The following EIF4G3 variants were observed in gnomAD, a reference collection of about 807,000 sequenced individuals.
EIF4G3 encodes the protein eukaryotic translation initiation factor 4 gamma 3.
A neutral mutation model predicts 186.4 loss-of-function variants in EIF4G3; 34 were observed. The observed-to-expected ratio is 0.18, with a 90% confidence interval of 0.14 to 0.24. The LOEUF (loss-of-function observed/expected upper bound fraction) is 0.24, where lower values mean the gene tolerates loss of function less well. Among genes scored for constraint, EIF4G3 ranks in the 10% least tolerant of loss-of-function variants. The pLI is 1.00. For synonymous variants in EIF4G3, 673 were observed against 679.5 expected (o/e 0.99, Z 0.15); for missense variants, 1,536 against 1,948.5 (o/e 0.79, Z 3.99).
chr1:20,870,013 G>A (rs1157229940), intron 20 of EIF4G3, among the ~76,000 whole-genome samples: 2 of 152,020 alleles, frequency 1.3e-5, no homozygotes, highest in African/African-American at 4.8e-5. Context: ...AGTGTTAAAG[G>A]ATATGCACAA....
chr1:20,942,371 C>G (rs960670213), intron 13 of EIF4G3, 41 bp from the exon 14 acceptor site: 1 of 1,523,940 alleles, frequency 6.6e-7, no homozygotes, highest in Non-Finnish European at 8.8e-7. Context: ...ATTCTTGGAT[C>G]AGAGACTACA....
chr1:21,040,621 T>G (rs1433527794), intron 4 of EIF4G3, among the ~76,000 whole-genome samples: 3 of 152,184 alleles, frequency 2.0e-5, no homozygotes, highest in African/African-American at 7.2e-5. Flanking sequence ...TAAATGCATA[T>G]TCCTAGATTT....
At chr1:20,842,613 G>C (rs112177610) in intron 29 of EIF4G3, among the ~76,000 whole-genome samples, 1 of 152,166 alleles carries the variant, frequency 6.6e-6, no homozygotes, top group Non-Finnish European at 1.5e-5. Flanking sequence ...GTAATCGCCT[G>C]CCTCAGCCTC....
At chr1:20,966,004 C>T (rs938798872) in intron 12 of EIF4G3, among the ~76,000 whole-genome samples, 2 of 152,268 alleles carry the variant, frequency 1.3e-5, no homozygotes, top group East Asian at 3.9e-4. Context: ...CTTCCCTGTT[C>T]TATTTCACAT....
chr1:20,919,065 T>G (rs2094230343), intron 14 of EIF4G3, among the ~76,000 whole-genome samples: 7 of 152,234 alleles, frequency 4.6e-5, no homozygotes. Context: ...CTTTCTTTTC[T>G]GTGAATTTCC....
intron 14 of EIF4G3, among the ~76,000 whole-genome samples, chr1:20,920,721 C>T (rs2094425012): frequency 6.6e-6 from 1 of 151,150 alleles, no homozygotes; most frequent in African/African-American, 2.4e-5. Context: ...CTATTCTGAC[C>T]AAAACTTCCA....
At chr1:21,024,419 G>C (rs2091680859) in intron 4 of EIF4G3, among the ~76,000 whole-genome samples, 1 of 152,256 alleles carries the variant, frequency 6.6e-6, no homozygotes, top group Non-Finnish European at 1.5e-5. Flanking sequence ...AATGGGCCAG[G>C]ATGACAATGG....
chr1:20,870,360 C>T (rs1463770342), intron 20 of EIF4G3, among the ~76,000 whole-genome samples: 1 of 152,086 alleles, frequency 6.6e-6, no homozygotes, highest in Non-Finnish European at 1.5e-5. Flanking sequence ...GCCTTTAGTG[C>T]CATTCTTTGT....
At chr1:21,102,267 A>G (rs2096541975) in intron 2 of EIF4G3, among the ~76,000 whole-genome samples, 1 of 152,210 alleles carries the variant, frequency 6.6e-6, no homozygotes, top group Non-Finnish European at 1.5e-5. Flanking sequence ...CCTGGCCACC[A>G]TGGTGAAACC....
rs1252222971 is a variant in EIF4G3, at chr1:20,946,248, C to T, written c.823+3755G>A. Among the ~76,000 whole-genome samples, 5 of 152,200 alleles carry T rather than the reference C, an allele frequency of 3.3e-5. No homozygotes were observed. The East Asian group carries it at 9.6e-4, about 29-fold the overall frequency. Reference sequence around the variant, plus strand: ...TACAAACAGAATACCATTCACTGAACACACTAGGTGCTTTCAACAGGCACT... The same window carrying T: ...TACAAACAGAATACCATTCACTGAATACACTAGGTGCTTTCAACAGGCACT... On this transcript the variant is annotated intron_variant, in intron 13 of 36. Coordinates refer to ENST00000602326, the MANE Select transcript of EIF4G3 (RefSeq NM_001391906.1).
intron 14 of EIF4G3, among the ~76,000 whole-genome samples, chr1:20,936,365 G>A (rs1438136363): frequency 1.3e-5 from 2 of 152,294 alleles, no homozygotes; most frequent in East Asian, 1.9e-4. Flanking sequence ...CTTGCTTTAA[G>A]GATCACTCTG....
intron 20 of EIF4G3, 94 bp from the exon 21 acceptor site, chr1:20,865,356 G>A: frequency 7.2e-7 from 1 of 1,389,882 alleles, no homozygotes; most frequent in Non-Finnish European, 9.8e-7. Context: ...AATGCTGACT[G>A]AACCACAGGT....
intron 2 of EIF4G3, among the ~76,000 whole-genome samples, chr1:21,173,711 T>G (rs1272698227): frequency 1.3e-5 from 2 of 152,116 alleles, no homozygotes; most frequent in Non-Finnish European, 2.9e-5. Context: ...TAAAACTGTC[T>G]GAACTTATTA....
intron 20 of EIF4G3, among the ~76,000 whole-genome samples, chr1:20,878,895 T>G (rs904254474): frequency 6.6e-6 from 1 of 152,218 alleles, no homozygotes; most frequent in Non-Finnish European, 1.5e-5. Flanking sequence ...TTGAAACCTT[T>G]TTGACTACAG....
chr1:21,016,511 C>T (rs1332822754), intron 4 of EIF4G3, among the ~76,000 whole-genome samples: 1 of 152,088 alleles, frequency 6.6e-6, no homozygotes, highest in Non-Finnish European at 1.5e-5. Flanking sequence ...CACTGTGAGA[C>T]TCAACTCTAC....
chr1:20,814,447 G>C (rs1188624845), intron 34 of EIF4G3, among the ~76,000 whole-genome samples: 3 of 151,996 alleles, frequency 2.0e-5, no homozygotes, highest in Admixed American at 1.3e-4. Context: ...TTGTACATTT[G>C]GAAGTATAAC....
chr1:20,995,171 G>A (rs1303819390), intron 7 of EIF4G3, among the ~76,000 whole-genome samples: 2 of 152,122 alleles, frequency 1.3e-5, no homozygotes, highest in African/African-American at 2.4e-5. Context: ...TTAGAGAACA[G>A]AATTTCCCAA....
intron 4 of EIF4G3, among the ~76,000 whole-genome samples, chr1:21,049,540 T>G (rs1053012414): frequency 6.6e-6 from 1 of 152,166 alleles, no homozygotes; most frequent in Non-Finnish European, 1.5e-5. Flanking sequence ...TAGACTAAGT[T>G]TAGGTATAGC....
intron 15 of EIF4G3, among the ~76,000 whole-genome samples, chr1:20,902,215 T>A (rs1220119370): frequency 6.6e-6 from 1 of 151,642 alleles, no homozygotes; most frequent in Non-Finnish European, 1.5e-5. Flanking sequence ...AGGCGCACAC[T>A]ACTACGCCTG....
Sources: gnomAD v4.1 joint callset for allele counts (sites outside exome capture counted in the v4.1 genomes callset) on GRCh38, gnomAD v4.1.1 for gene constraint, MANE v1.5 for transcripts, NCBI Gene and HGNC (gene_info 2026-07-23, HGNC 2026-07-21) for gene names.